PDE2A: variants seen among roughly 807,000 people sequenced by gnomAD.
PDE2A encodes the protein phosphodiesterase 2A.
In PDE2A, 53 loss-of-function variants were observed where a neutral mutation model predicts 133.6. The ratio of observed to expected loss-of-function variants is 0.40; its 90% confidence interval spans 0.32 to 0.50. PDE2A has a LOEUF of 0.50. Among genes scored for constraint, PDE2A ranks in the 20% least tolerant of loss-of-function variants. The pLI, the probability that PDE2A is intolerant of heterozygous loss-of-function variation, is 0.73. For missense variants in PDE2A, 796 were observed against 1,232.4 expected (o/e 0.65, Z 5.30); for synonymous variants, 491 against 490.2 (o/e 1.00, Z -0.02).
chr11:72,663,562 C>A (rs1245793678), intron 1 of PDE2A, among the ~76,000 whole-genome samples: 1 of 152,022 alleles, frequency 6.6e-6, no homozygotes, highest in East Asian at 1.9e-4. Context: ...AACCCCGTCT[C>A]TACCAAAAGT....
intron 6 of PDE2A, among the ~76,000 whole-genome samples, chr11:72,592,176 C>T (rs965269227): frequency 6.6e-5 from 10 of 152,290 alleles, no homozygotes; most frequent in Admixed American, 2.0e-4. Flanking sequence ...AAATGAGAGA[C>T]GGTGGGGAGG....
chr11:72,657,092 T>G (rs1205154745), intron 1 of PDE2A, among the ~76,000 whole-genome samples: 1 of 151,932 alleles, frequency 6.6e-6, no homozygotes, highest in Non-Finnish European at 1.5e-5. Flanking sequence ...GAAAACCTCC[T>G]CCCCACTCAT....
chr11:72,669,397 G>A (rs541662376), intron 1 of PDE2A, among the ~76,000 whole-genome samples: 10 of 152,124 alleles, frequency 6.6e-5, no homozygotes, highest in African/African-American at 9.7e-5. Context: ...TCGGGGTGGG[G>A]GGGCAGTGAG....
chr11:72,664,893 G>A (rs371780276), intron 1 of PDE2A, among the ~76,000 whole-genome samples: 1 of 151,564 alleles, frequency 6.6e-6, no homozygotes, highest in Admixed American at 6.6e-5. Flanking sequence ...TGCAACCTCC[G>A]CCTCCTGGGT....
chr11:72,585,618 T>C (rs1565151614), intron 14 of PDE2A, 25 bp from the exon 15 acceptor site: 5 of 1,611,958 alleles, frequency 3.1e-6, no homozygotes, highest in Non-Finnish European at 1.7e-6. Context: ...ATGGAGATCA[T>C]AGGGGGGTCG....
In PDE2A at chr11:72,590,680, C is replaced by G. The variant is rs916929316; in HGVS notation, c.550-100G>C. The stretch of plus-strand genomic sequence containing the variant: ...TGCTCCCGCCGTTCCCTCTGCCTGC[C>G]GGGCCCAGGGACCCCGCCGCCGTCC... On this transcript the variant is annotated intron_variant, in intron 7 of 30. Transcript: ENST00000334456. This position sits in a 1 kb window ranked among gnomAD's most constrained non-coding sequence, Gnocchi z 4.8. 2.6e-6 allele frequency: 3 copies of G among 1,147,572 alleles called. No homozygotes were observed. In the African/African-American group the frequency reaches 4.9e-5, roughly 19 times the overall value. 71.1% of individuals were successfully genotyped at this position (1,147,572 alleles called of 1,614,324 possible). A position where few individuals can be genotyped will look rare whatever the true frequency, so the allele number is the denominator to read the frequency against.
chr11:72,657,067 C>T (rs906875523), intron 1 of PDE2A, among the ~76,000 whole-genome samples: 1 of 152,136 alleles, frequency 6.6e-6, no homozygotes, highest in African/African-American at 2.4e-5. Context: ...TCATCTCTGA[C>T]CCTGCCTCTC....
At position 72,590,168 on chromosome 11, in the gene PDE2A, GC is replaced by G; in HGVS notation, c.756+23del. 1 of 1,540,862 alleles carries G rather than the reference GC, an allele frequency of 6.5e-7. No homozygotes were observed. The highest frequency in any genetic ancestry group is 8.8e-7 in the Non-Finnish European group (1 of 1,138,414). ...CGGAGGGAGACAGGACGGGGAGGTG[GC>G]CGGCAGGGGCGCAGGGACTCACGTA... On this transcript the variant is annotated intron_variant, in intron 9 of 30. Coordinates refer to ENST00000334456, the MANE Select transcript of PDE2A (RefSeq NM_002599.5). This position sits in a 1 kb window ranked among gnomAD's most constrained non-coding sequence, Gnocchi z 4.8.
chr11:72,605,348 G>T (rs1856926368), intron 3 of PDE2A, 122 bp from the exon 4 acceptor site: 6 of 471,150 alleles, frequency 1.3e-5, no homozygotes, highest in Non-Finnish European at 2.3e-5. Flanking sequence ...CTCTGGCAAT[G>T]ATCTGTTTGT....
chr11:72,629,178 G>A (rs1481837341), intron 2 of PDE2A, among the ~76,000 whole-genome samples: 20 of 152,260 alleles, frequency 1.3e-4, no homozygotes, highest in Admixed American at 1.3e-3. Flanking sequence ...GATAGGAGCA[G>A]GTGGGGCCGA....
chr11:72,634,254 G>A lies in PDE2A; in HGVS notation c.144+8000C>T, dbSNP rs753380113. On this transcript the variant is annotated intron_variant, in intron 2 of 30. Coordinates refer to ENST00000334456, the MANE Select transcript of PDE2A (RefSeq NM_002599.5). ...TGCAGCTGGGGAGGGGCTCCCTGCCGGGGACAATGGAGCCTTGTGGAGGAC... is the reference window on the plus strand; with the variant it reads ...TGCAGCTGGGGAGGGGCTCCCTGCCAGGGACAATGGAGCCTTGTGGAGGAC... 2.0e-4 allele frequency among the ~76,000 whole-genome samples: 30 copies of A among 152,256 alleles called. 1 individual carries two copies. Among genetic ancestry groups the A allele is most frequent in the Middle Eastern group, 3.4e-3 (1 of 294 alleles).
At chr11:72,617,002 C>A (rs957122214) in intron 2 of PDE2A, among the ~76,000 whole-genome samples, 5 of 152,238 alleles carry the variant, frequency 3.3e-5, no homozygotes, top group African/African-American at 1.2e-4. Context: ...GAAGGATTCA[C>A]CCAGGCTCTC....
At chr11:72,631,179 C>A (rs1565182454) in intron 2 of PDE2A, 5 of 1,446,540 alleles carry the variant, frequency 3.5e-6, no homozygotes, top group Non-Finnish European at 4.7e-6. Context: ...GCCGGCCAGG[C>A]CTTCTCCCCT....
At chr11:72,628,935 A>T (rs1311821029) in intron 2 of PDE2A, among the ~76,000 whole-genome samples, 1 of 152,176 alleles carries the variant, frequency 6.6e-6, no homozygotes, top group African/African-American at 2.4e-5. Flanking sequence ...CAGGCAGCCC[A>T]TCTCTTCCCA....
chr11:72,592,444 C>T (rs145458069), intron 6 of PDE2A, among the ~76,000 whole-genome samples: 69 of 152,208 alleles, frequency 4.5e-4, no homozygotes, highest in Middle Eastern at 3.4e-3. Context: ...TGGGGTGGGA[C>T]GAGTGGGGAG....
At chr11:72,600,740 G>T (rs375069225) in intron 4 of PDE2A, among the ~76,000 whole-genome samples, 116 of 152,152 alleles carry the variant, frequency 7.6e-4, no homozygotes, top group African/African-American at 2.7e-3. Context: ...CATGCTGGGG[G>T]TTGTGGGGAA....
intron 1 of PDE2A, among the ~76,000 whole-genome samples, chr11:72,651,211 C>T (rs1329548004): frequency 6.6e-6 from 1 of 152,204 alleles, no homozygotes; most frequent in African/African-American, 2.4e-5. Context: ...GCCCAAGATT[C>T]TAACATTCTA....
At chr11:72,617,189 G>A (rs1040275537) in intron 2 of PDE2A, among the ~76,000 whole-genome samples, 2 of 152,238 alleles carry the variant, frequency 1.3e-5, no homozygotes, top group African/African-American at 4.8e-5. Context: ...CAGAGACTGG[G>A]TCTCTTATGT....
rs776126435 is a variant in PDE2A, at chr11:72,590,070, C to A, written c.757-89G>T. The stretch of plus-strand genomic sequence containing the variant: ...GCTCCCCTCTCCGGGGCTCTTCAGG[C>A]GGGTGGAGGAGAGAGGAAGGAAGGA... On this transcript the variant is annotated intron_variant, in intron 9 of 30. Coordinates refer to ENST00000334456, the MANE Select transcript of PDE2A (RefSeq NM_002599.5). This position sits in a 1 kb window ranked among gnomAD's most constrained non-coding sequence, Gnocchi z 4.8. The A allele has an allele frequency of 9.2e-6, 13 of 1,409,388 alleles. No individual in the cohort carries two copies. The highest frequency in any genetic ancestry group is 2.5e-5 in the East Asian group (1 of 40,132). The allele number at this position is 1,409,388 out of a possible 1,614,324, so 87.3% of individuals were successfully genotyped here. A position where few individuals can be genotyped will look rare whatever the true frequency, so the allele number is the denominator to read the frequency against.
Sources: allele counts gnomAD v4.1 joint callset (sites outside exome capture counted in the v4.1 genomes callset), GRCh38; gene constraint gnomAD v4.1.1; non-coding constraint Gnocchi (gnomAD v3.1); transcripts MANE v1.5; gene names NCBI Gene and HGNC (gene_info 2026-07-23, HGNC 2026-07-21).